Variants in ZC2HC1A observed in about 807,000 individuals in gnomAD.
ZC2HC1A encodes the protein zinc finger C2HC domain-containing protein 1A.
Under a neutral mutation model 40.7 loss-of-function variants are expected in ZC2HC1A, and 28 were observed. That is an observed-to-expected ratio of 0.69 (90% CI 0.51 to 0.94). ZC2HC1A has a LOEUF of 0.94. Among genes scored for constraint, ZC2HC1A ranks in the 40% least tolerant of loss-of-function variants. ZC2HC1A has a pLI of 0.00. For synonymous variants in ZC2HC1A, 129 were observed against 129.2 expected (o/e 1.00, Z 0.01); for missense variants, 389 against 386.3 (o/e 1.01, Z -0.06).
chr8:78,678,860 A>G (rs1809671113), intron 3 of ZC2HC1A, 181 bp downstream of exon 3: 2 of 379,792 alleles, frequency 5.3e-6, no homozygotes, highest in Non-Finnish European at 9.1e-6. Flanking sequence ...TATAAAACAA[A>G]TTTTATTTTA....
chr8:78,701,716 T>C lies in ZC2HC1A; in HGVS notation c.704+3203T>C, dbSNP rs143318022. ...TTTAACGTGAAGGGATGTTGAATTT[T>C]ATTGAAAACCTTTTCGTCATCTATT... On this transcript the variant is annotated intron_variant, in intron 7 of 8. Coordinates refer to ENST00000263849, the MANE Select transcript of ZC2HC1A (RefSeq NM_016010.3). Among the ~76,000 whole-genome samples, 900 of 152,334 alleles carry C rather than the reference T, an allele frequency of 5.9e-3. 9 individuals carry two copies. Among genetic ancestry groups the C allele is most frequent in the African/African-American group, 0.02 (844 of 41,574 alleles).
chr8:78,715,318 T>G lies in ZC2HC1A; in HGVS notation c.802T>G (p.Tyr268Asp). 6.2e-7 allele frequency: 1 copy of G among 1,612,176 alleles called. No individual in the cohort carries two copies. Among genetic ancestry groups the G allele is most frequent in the South Asian group, 1.1e-5 (1 of 90,660 alleles). The change falls in exon 8 of 9, where the codon TAC becomes GAC. Residue 268 changes from tyrosine (Y) to aspartate (D), a missense_variant. Transcript: ENST00000263849. ...TNKRKTYTES[Y>D]IARPDGDCAS... ...CAAAAGAAAAACATATACTGAGAGC[T>G]ACATAGCCAGGTATGTTTAGCTCTG...
chr8:78,698,042 G>T, intron 6 of ZC2HC1A, among the ~76,000 whole-genome samples: 1 of 152,184 alleles, frequency 6.6e-6, no homozygotes, highest in East Asian at 1.9e-4. Context: ...GATGTCATCT[G>T]TTCAGAATAG....
In ZC2HC1A at chr8:78,678,655, A is replaced by G; in HGVS notation, c.186A>G (p.Pro62=). The part of the protein sequence containing the change: ...SRQRAEGTDI[P]TVKPLKPRPE... The stretch of plus-strand genomic sequence containing the variant: ...AGAGAGCTGAAGGAACTGATATTCC[A>G]ACAGTAAAACCTCTCAAACCGAGGG... Residue 62 remains proline (P), a synonymous_variant, in exon 3 of 9, where the codon CCA becomes CCG. Coordinates refer to ENST00000263849, the MANE Select transcript of ZC2HC1A (RefSeq NM_016010.3). 6.2e-7 allele frequency: 1 copy of G among 1,610,688 alleles called. No individual in the cohort carries two copies. The highest frequency in any genetic ancestry group is 8.5e-7 in the Non-Finnish European group (1 of 1,178,778).
At chr8:78,697,090 T>G (rs1810445895) in intron 5 of ZC2HC1A, among the ~76,000 whole-genome samples, 2 of 152,228 alleles carry the variant, frequency 1.3e-5, no homozygotes, top group Non-Finnish European at 2.9e-5. Flanking sequence ...CTTCCTCAAT[T>G]TGTATAATTC....
In ZC2HC1A at chr8:78,689,260, GA is replaced by G; in HGVS notation, c.395del (p.Asn132MetfsTer7). On this transcript the variant is annotated frameshift_variant, in exon 5 of 9. Coordinates refer to ENST00000263849, the MANE Select transcript of ZC2HC1A (RefSeq NM_016010.3). LOFTEE classifies it high-confidence loss of function. Reference sequence around the variant, plus strand: ...TCCATATTGTCAGAGGAGATTCAATGAAAATGCAGCTGATAGACATATAAAT... The same window carrying G: ...TCCATATTGTCAGAGGAGATTCAATGAAATGCAGCTGATAGACATATAAAT... The part of the protein sequence containing the change: ...QCPYCQRRFN[E>X]NAADRHINFC... The G allele has an allele frequency of 6.3e-7, 1 of 1,591,224 alleles. No homozygotes were observed. Among genetic ancestry groups the G allele is most frequent in the Non-Finnish European group, 8.6e-7 (1 of 1,168,918 alleles).
chr8:78,695,104 G>C (rs1348562343), intron 5 of ZC2HC1A, among the ~76,000 whole-genome samples: 1 of 152,120 alleles, frequency 6.6e-6, no homozygotes, highest in East Asian at 1.9e-4. Flanking sequence ...CCGAGGGGGA[G>C]GTGAATAATG....
intron 4 of ZC2HC1A, among the ~76,000 whole-genome samples, 193 bp from the exon 5 acceptor site, chr8:78,689,029 G>A (rs2130501074): frequency 9.1e-6 from 1 of 109,716 alleles, no homozygotes; most frequent in Admixed American, 1.1e-4. Flanking sequence ...TCATGTACCA[G>A]CAGACTTTTT....
At position 78,718,854 on chromosome 8, in the gene ZC2HC1A, CTT is replaced by C. The variant is rs1296647637; in HGVS notation, c.*1362_*1363del. ...TTACTGTAAAGGTACAAACAAATCT[CTT>C]ATATAATTCCTAGCTTTTTTTTTTG... On this transcript the variant is annotated 3_prime_UTR_variant, in exon 9 of 9. Transcript: ENST00000263849. 1.3e-5 allele frequency: 2 copies of C among 151,524 alleles called. No homozygotes were observed. The highest frequency in any genetic ancestry group is 1.9e-4 in the East Asian group (1 of 5,168). The allele number at this position is 151,524 out of a possible 1,614,324, so 9.4% of individuals were successfully genotyped here.
intron 7 of ZC2HC1A, 118 bp from the exon 8 acceptor site, chr8:78,715,103 T>C (rs1811058383): frequency 1.2e-6 from 1 of 828,522 alleles, no homozygotes; most frequent in Non-Finnish European, 1.8e-6. Context: ...ATTGGGACTT[T>C]AATCTTTTGA....
chr8:78,668,227 G>A (rs567130924), intron 1 of ZC2HC1A, among the ~76,000 whole-genome samples: 2 of 151,934 alleles, frequency 1.3e-5, no homozygotes, highest in South Asian at 2.1e-4. Flanking sequence ...TAAGGTTACC[G>A]TTCATTAATT....
At chr8:78,666,611 A>G (rs946007052) in intron 1 of ZC2HC1A, among the ~76,000 whole-genome samples, 1 of 152,098 alleles carries the variant, frequency 6.6e-6, no homozygotes, top group Non-Finnish European at 1.5e-5. Flanking sequence ...CGAGCTCCTG[A>G]CATTCCTTGG....
chr8:78,699,932 G>T (rs1272592217), intron 7 of ZC2HC1A, among the ~76,000 whole-genome samples: 1 of 151,976 alleles, frequency 6.6e-6, no homozygotes, highest in Non-Finnish European at 1.5e-5. Context: ...GTGAACATAT[G>T]TGTGTGTCTT....
At chr8:78,666,233 C>T in intron 1 of ZC2HC1A, 69 bp downstream of exon 1, 1 of 1,550,874 alleles carries the variant, frequency 6.4e-7, no homozygotes, top group Non-Finnish European at 8.7e-7. Flanking sequence ...CCCTGGACAC[C>T]AGTAGCAGGA....
intron 1 of ZC2HC1A, among the ~76,000 whole-genome samples, chr8:78,666,767 C>A (rs1405341842): frequency 6.6e-6 from 1 of 152,158 alleles, no homozygotes; most frequent in Non-Finnish European, 1.5e-5. Context: ...TTATTCACGG[C>A]CGCTGTGTGA....
At chr8:78,716,237 C>G (rs1811097686) in intron 8 of ZC2HC1A, among the ~76,000 whole-genome samples, 1 of 151,532 alleles carries the variant, frequency 6.6e-6, no homozygotes, top group African/African-American at 2.4e-5. Context: ...ATTCTCCTGC[C>G]TCAGCCTCCC....
chr8:78,715,955 G>A (rs545325075), intron 8 of ZC2HC1A, among the ~76,000 whole-genome samples: 1 of 149,262 alleles, frequency 6.7e-6, no homozygotes, highest in East Asian at 2.0e-4. Context: ...CAGGAGAATT[G>A]CTTGAACCTG....
At chr8:78,704,460 AG>A (rs1394300343) in intron 7 of ZC2HC1A, among the ~76,000 whole-genome samples, 3 of 150,726 alleles carry the variant, frequency 2.0e-5, no homozygotes, top group Non-Finnish European at 3.0e-5. Flanking sequence ...TTCCACTGAG[AG>A]GTCTGCTGTT....
At chr8:78,706,987 T>A (rs1325074520) in intron 7 of ZC2HC1A, among the ~76,000 whole-genome samples, 1 of 152,216 alleles carries the variant, frequency 6.6e-6, no homozygotes, top group African/African-American at 2.4e-5. Flanking sequence ...AGTTTATCAG[T>A]AGATCAGGTA....
Sources: allele counts gnomAD v4.1 joint callset (sites outside exome capture counted in the v4.1 genomes callset), GRCh38; gene constraint gnomAD v4.1.1; transcripts MANE v1.5; gene names NCBI Gene and HGNC (gene_info 2026-07-23, HGNC 2026-07-21).